LMBR1: variants seen among roughly 807,000 people sequenced by gnomAD.
LMBR1 encodes the protein limb development membrane protein 1.
LMBR1 carries 52 observed loss-of-function variants against 73.9 expected under a neutral mutation model. That is an observed-to-expected ratio of 0.70 (90% confidence interval 0.56 to 0.89). LMBR1 has a LOEUF of 0.89. Among genes scored for constraint, LMBR1 ranks in the 40% least tolerant of loss-of-function variants. LMBR1 has a pLI of 0.00. For missense variants in LMBR1, 539 were observed against 579.8 expected, an observed-to-expected ratio of 0.93 and a Z score of 0.72; for synonymous variants, 215 against 209.4, an observed-to-expected ratio of 1.03 and a Z score of -0.23.
chr7:156,712,760 A>G (rs1812344418), intron 15 of LMBR1, among the ~76,000 whole-genome samples: 1 of 152,236 alleles, frequency 6.6e-6, no homozygotes, highest in African/African-American at 2.4e-5. Flanking sequence ...CAGATACAGA[A>G]AGACAAATGC....
chr7:156,879,620 C>T (rs1800747517), intron 1 of LMBR1, among the ~76,000 whole-genome samples: 1 of 147,444 alleles, frequency 6.8e-6, no homozygotes. Context: ...GCCAAGATCG[C>T]ACCACTGCAC....
chr7:156,877,123 A>T (rs1278637420), intron 1 of LMBR1, among the ~76,000 whole-genome samples: 3 of 152,192 alleles, frequency 2.0e-5, no homozygotes, highest in Admixed American at 6.5e-5. Flanking sequence ...GCTATTATAA[A>T]CACCTTTAGA....
At chr7:156,774,909 C>T (rs1213952516) in intron 5 of LMBR1, among the ~76,000 whole-genome samples, 1 of 152,134 alleles carries the variant, frequency 6.6e-6, no homozygotes, top group Non-Finnish European at 1.5e-5. Flanking sequence ...CGAACTAATG[C>T]AGGGATAGAA....
At chr7:156,727,782 T>C (rs1657144011) in intron 12 of LMBR1, 148 bp downstream of exon 12, 1 of 429,508 alleles carries the variant, frequency 2.3e-6, no homozygotes, top group Non-Finnish European at 4.0e-6. Flanking sequence ...GTTTATATTT[T>C]AAAGGCTCTT....
chr7:156,733,626 G>GA (rs1490488012), intron 10 of LMBR1, among the ~76,000 whole-genome samples: 3 of 152,054 alleles, frequency 2.0e-5, no homozygotes, highest in African/African-American at 7.2e-5. Context: ...GAAAAAAACT[G>GA]AAAAATAAAG....
intron 1 of LMBR1, among the ~76,000 whole-genome samples, chr7:156,865,133 G>A (rs539771842): frequency 3.4e-4 from 51 of 151,782 alleles, no homozygotes; most frequent in African/African-American, 1.1e-3. Flanking sequence ...ATAGAGAGAC[G>A]CCAGCTCTAC....
rs961760132 is a variant in LMBR1, at chr7:156,685,080, TAAAG to T, written c.1388-921_1388-918del. Among the ~76,000 whole-genome samples, 5 of 152,082 alleles carry T rather than the reference TAAAG, an allele frequency of 3.3e-5. No individual in the cohort carries two copies. The highest frequency in any genetic ancestry group is 5.9e-5 in the Non-Finnish European group (4 of 67,994). ...AAGAATGGAAAACATTACTAAAAAATAAAGAAATGACAAAAGAATAAACTGAACA... is the reference window on the plus strand; with the variant it reads ...AAGAATGGAAAACATTACTAAAAAATAAATGACAAAAGAATAAACTGAACA... On this transcript the variant is annotated intron_variant, in intron 16 of 16. Transcript: ENST00000353442. The surrounding 1 kb of genome is among the most constrained non-coding windows in gnomAD (Gnocchi z 4.1).
intron 2 of LMBR1, chr7:156,834,480 G>C (rs1050497633): frequency 3.7e-6 from 1 of 268,104 alleles, no homozygotes; most frequent in South Asian, 3.2e-5. Flanking sequence ...GCACATGCCT[G>C]TAGTGCAGGA....
intron 9 of LMBR1, among the ~76,000 whole-genome samples, chr7:156,750,759 A>G (rs1244290480): frequency 2.0e-5 from 3 of 152,204 alleles, no homozygotes; most frequent in African/African-American, 7.2e-5. Context: ...GGGAAAGAAA[A>G]CTAACAAAAA....
chr7:156,776,573 G>C (rs1826171785), intron 5 of LMBR1, among the ~76,000 whole-genome samples: 1 of 151,868 alleles, frequency 6.6e-6, no homozygotes. Context: ...GTCTTTTCTT[G>C]TCCCCTCAGT....
At chr7:156,713,342 A>T (rs557179912) in intron 15 of LMBR1, among the ~76,000 whole-genome samples, 1 of 152,234 alleles carries the variant, frequency 6.6e-6, no homozygotes, top group Non-Finnish European at 1.5e-5. Context: ...ATTTGCCCAA[A>T]CCCATAGAAT....
At chr7:156,780,899 G>A (rs1165372445) in intron 5 of LMBR1, among the ~76,000 whole-genome samples, 1 of 152,030 alleles carries the variant, frequency 6.6e-6, no homozygotes, top group Non-Finnish European at 1.5e-5. Context: ...AACACCACAT[G>A]GAAATGAGGA....
At chr7:156,868,722 T>C (rs1467885823) in intron 1 of LMBR1, among the ~76,000 whole-genome samples, 7 of 150,954 alleles carry the variant, frequency 4.6e-5, no homozygotes, top group Non-Finnish European at 1.5e-5. Context: ...TCCCAACACT[T>C]TGGGAAGCCA....
At chr7:156,843,728 C>G (rs1265875974) in intron 1 of LMBR1, among the ~76,000 whole-genome samples, 1 of 150,842 alleles carries the variant, frequency 6.6e-6, no homozygotes, top group Admixed American at 6.6e-5. Context: ...CCCAGCTACT[C>G]AGGAGGCTGA....
intron 5 of LMBR1, among the ~76,000 whole-genome samples, chr7:156,793,257 T>C (rs1383897176): frequency 6.6e-6 from 1 of 152,192 alleles, no homozygotes; most frequent in Non-Finnish European, 1.5e-5. Context: ...CAAATGATTC[T>C]AGACTACAGA....
Position 156,670,016 on chromosome 7 carries a change from C to A in LMBR1, n.867-729G>T, listed in dbSNP as rs562315279. Among the ~76,000 whole-genome samples the A allele has an allele frequency of 3.9e-5, 6 of 152,304 alleles. No individual in the cohort carries two copies. The South Asian group carries it at 1.2e-3, about 32-fold the overall frequency. On this transcript the variant is annotated intron_variant and non_coding_transcript_variant, in intron 4 of 4. Transcript: ENST00000430825. The surrounding 1 kb of genome is among the most constrained non-coding windows in gnomAD (Gnocchi z 4.3). ...CTGTATGTACTTCTGTGGCCTCTCT[C>A]TCCAGTGGTCATGTAGTTTTTTTTA...
At chr7:156,801,386 G>A (rs1201134711) in intron 4 of LMBR1, among the ~76,000 whole-genome samples, 2 of 152,140 alleles carry the variant, frequency 1.3e-5, no homozygotes, top group East Asian at 1.9e-4. Flanking sequence ...TTAATAAATG[G>A]CATTATAGTG....
intron 1 of LMBR1, among the ~76,000 whole-genome samples, chr7:156,888,664 T>C (rs1226027827): frequency 6.6e-6 from 1 of 152,176 alleles, no homozygotes; most frequent in Admixed American, 6.5e-5. Flanking sequence ...CCGCCTGTAA[T>C]CCCAGCACTT....
At chr7:156,770,178 A>G (rs560970524) in intron 5 of LMBR1, among the ~76,000 whole-genome samples, 1 of 152,220 alleles carries the variant, frequency 6.6e-6, no homozygotes, top group Non-Finnish European at 1.5e-5. Flanking sequence ...ATTAAACTAC[A>G]AAAAGTATGT....
Sources: allele counts gnomAD v4.1 joint callset (sites outside exome capture counted in the v4.1 genomes callset), GRCh38; gene constraint gnomAD v4.1.1; non-coding constraint Gnocchi (gnomAD v3.1); transcripts MANE v1.5; gene names NCBI Gene and HGNC (gene_info 2026-07-23, HGNC 2026-07-21).